The following KIAA1217 variants were observed in gnomAD, a reference collection of about 807,000 sequenced individuals.
KIAA1217 encodes KIAA1217, also known as sickle tail protein homolog.
KIAA1217 carries 88 observed loss-of-function variants against 163.9 expected under a neutral mutation model. The observed-to-expected ratio is 0.54, with a 90% CI of 0.45 to 0.64. KIAA1217 has a LOEUF of 0.64. Among genes scored for constraint, KIAA1217 ranks in the 30% least tolerant of loss-of-function variants. KIAA1217 has a pLI of 0.00. For missense variants in KIAA1217, 2,372 were observed against 2,475.0 expected (o/e 0.96, Z 0.88); for synonymous variants, 903 against 923.1 (o/e 0.98, Z 0.39).
chr10:24,013,277 G>C (rs1363940204), intron 2 of KIAA1217, among the ~76,000 whole-genome samples: 1 of 151,904 alleles, frequency 6.6e-6, no homozygotes, highest in Non-Finnish European at 1.5e-5. Context: ...CTTCGTTTGG[G>C]CATGAGTTAT....
chr10:23,826,034 G>A (rs909342779), intron 1 of KIAA1217, among the ~76,000 whole-genome samples: 4 of 152,150 alleles, frequency 2.6e-5, no homozygotes, highest in African/African-American at 7.2e-5. Context: ...GGGGTGGCCA[G>A]TATGCTAGTA....
chr10:24,418,315 C>T (rs571934169), intron 3 of KIAA1217, among the ~76,000 whole-genome samples: 2 of 152,132 alleles, frequency 1.3e-5, no homozygotes, highest in East Asian at 1.9e-4. Context: ...CCTGGGATCC[C>T]GACTTTTGTT....
chr10:24,323,314 A>G (rs992048098), intron 2 of KIAA1217, among the ~76,000 whole-genome samples: 1 of 152,100 alleles, frequency 6.6e-6, no homozygotes, highest in African/African-American at 2.4e-5. Flanking sequence ...TAAACACTGG[A>G]TTAATGGTGT....
At chr10:24,094,319 C>T (rs35339789) in intron 2 of KIAA1217, among the ~76,000 whole-genome samples, 6,507 of 152,224 alleles carry the variant, frequency 0.043, 215 homozygotes, top group Non-Finnish European at 0.067. Context: ...CCTGTTGTTT[C>T]CTGACAGTAT....
intron 1 of KIAA1217, among the ~76,000 whole-genome samples, chr10:23,928,134 C>A (rs755767210): frequency 6.6e-5 from 10 of 152,178 alleles, no homozygotes; most frequent in Non-Finnish European, 1.5e-4. Flanking sequence ...GCATTTCAGT[C>A]CCTCTTTGAG....
intron 3 of KIAA1217, 73 bp from the exon 4 acceptor site, chr10:24,432,922 G>C (rs373043272): frequency 3.3e-5 from 40 of 1,206,536 alleles, no homozygotes; most frequent in South Asian, 2.6e-4. Flanking sequence ...CAGCAGGAAA[G>C]AAGTGGCTCA....
chr10:24,521,720 G>A (rs1564851539), intron 11 of KIAA1217, 62 bp from the exon 12 acceptor site: 7 of 1,563,430 alleles, frequency 4.5e-6, no homozygotes, highest in Admixed American at 3.4e-5. Flanking sequence ...ATCGGAGTGC[G>A]GGATGAGGGT....
At position 24,521,959 on chromosome 10, in the gene KIAA1217, G is replaced by T. The variant is rs762216226; in HGVS notation, c.2456+30G>T. The T allele has an allele frequency of 1.9e-5, 30 of 1,591,986 alleles. No homozygotes were observed. The South Asian group carries it at 3.0e-4, about 16-fold the overall frequency. ...CCGGGCCCTCATCGTGCTGGGGGTG[G>T]CCTGCGGAGGGGTGCACTGGGAAAC... On this transcript the variant is annotated intron_variant, in intron 12 of 20. Coordinates refer to ENST00000376454, the MANE Select transcript of KIAA1217 (RefSeq NM_019590.5).
At chr10:24,152,074 C>T (rs989151109) in intron 2 of KIAA1217, among the ~76,000 whole-genome samples, 3 of 152,182 alleles carry the variant, frequency 2.0e-5, no homozygotes, top group Admixed American at 2.0e-4. Context: ...CGCTCCCTCC[C>T]TCCCTGCATG....
At chr10:23,931,927 C>T (rs1025609169) in intron 1 of KIAA1217, among the ~76,000 whole-genome samples, 7 of 152,162 alleles carry the variant, frequency 4.6e-5, no homozygotes, top group African/African-American at 1.2e-4. Context: ...CACTACCCCC[C>T]TGTCTAAAGG....
At chr10:24,176,126 G>T (rs571731210) in intron 2 of KIAA1217, among the ~76,000 whole-genome samples, 1 of 152,264 alleles carries the variant, frequency 6.6e-6, no homozygotes, top group African/African-American at 2.4e-5. Flanking sequence ...GAGCTGATTG[G>T]TCTGTTTTGA....
intron 1 of KIAA1217, among the ~76,000 whole-genome samples, chr10:23,934,381 G>A (rs776528114): frequency 6.6e-6 from 1 of 150,992 alleles, no homozygotes; most frequent in Non-Finnish European, 1.5e-5. Context: ...GGCCTGTTGG[G>A]GGGTGAGGGG....
intron 1 of KIAA1217, among the ~76,000 whole-genome samples, chr10:23,777,231 A>G (rs1835045152): frequency 6.6e-6 from 1 of 152,244 alleles, no homozygotes; most frequent in African/African-American, 2.4e-5. Context: ...AAAGAAACTT[A>G]GTAGGATTAC....
intron 1 of KIAA1217, among the ~76,000 whole-genome samples, chr10:23,921,508 C>T (rs1842846881): frequency 6.6e-6 from 1 of 152,190 alleles, no homozygotes; most frequent in Admixed American, 6.5e-5. Flanking sequence ...AGGGCCAGTG[C>T]AAGGCCATAT....
At chr10:23,728,894 A>T (rs1360150249) in intron 1 of KIAA1217, among the ~76,000 whole-genome samples, 2 of 152,198 alleles carry the variant, frequency 1.3e-5, no homozygotes, top group African/African-American at 4.8e-5. Flanking sequence ...TGTATCCACC[A>T]TTTGTGGTAC....
chr10:24,309,798 G>A (rs186691547), intron 2 of KIAA1217, among the ~76,000 whole-genome samples: 94 of 152,264 alleles, frequency 6.2e-4, no homozygotes, highest in African/African-American at 2.0e-3. Context: ...CGTGCACCCA[G>A]CACAGGGTGG....
chr10:24,498,214 C>G (rs1280638301), intron 8 of KIAA1217, among the ~76,000 whole-genome samples: 1 of 151,982 alleles, frequency 6.6e-6, no homozygotes, highest in Non-Finnish European at 1.5e-5. Context: ...GAAGTGGACC[C>G]AGGGACACAA....
chr10:23,926,108 T>C (rs895405723), intron 1 of KIAA1217, among the ~76,000 whole-genome samples: 1 of 152,088 alleles, frequency 6.6e-6, no homozygotes, highest in African/African-American at 2.4e-5. Flanking sequence ...TCAGGTGCAT[T>C]GGTCCTCAGG....
intron 2 of KIAA1217, among the ~76,000 whole-genome samples, chr10:24,141,619 G>A (rs2064085839): frequency 6.6e-6 from 1 of 152,162 alleles, no homozygotes; most frequent in African/African-American, 2.4e-5. Context: ...CTTGAGAACT[G>A]AACTATGAGA....
Sources: allele counts gnomAD v4.1 joint callset (sites outside exome capture counted in the v4.1 genomes callset), GRCh38; gene constraint gnomAD v4.1.1; transcripts MANE v1.5; gene names NCBI Gene and HGNC (gene_info 2026-07-23, HGNC 2026-07-21).